Variants in TMEM116 observed in about 807,000 individuals in gnomAD.
TMEM116 encodes transmembrane protein 116.
TMEM116 carries 38 observed loss-of-function variants against 44.3 expected under a neutral mutation model. That is an observed-to-expected ratio of 0.86 (90% CI 0.66 to 1.12). The LOEUF is 1.12. Among genes scored for constraint, TMEM116 ranks in the 50% most tolerant of loss-of-function variants. The pLI, the probability that TMEM116 is intolerant of heterozygous loss-of-function variation, is 0.00. For synonymous variants in TMEM116, 132 were observed against 144.8 expected (o/e 0.91, Z 0.64); for missense variants, 354 against 401.7 (o/e 0.88, Z 1.01).
At chr12:111,943,455 T>A (rs1593308135) in intron 4 of TMEM116, 86 bp from the exon 5 acceptor site, 1 of 957,024 alleles carries the variant, frequency 1.0e-6, no homozygotes, top group Non-Finnish European at 1.6e-6. Flanking sequence ...TTTTCTATTA[T>A]GAGAATCCTA....
At chr12:111,979,436 T>C (rs1416175539) in intron 4 of TMEM116, among the ~76,000 whole-genome samples, 4 of 152,200 alleles carry the variant, frequency 2.6e-5, no homozygotes, top group East Asian at 1.9e-4. Context: ...ACCTAGAATA[T>C]AGAAACAGAA....
At position 111,936,777 on chromosome 12, in the gene TMEM116, G is replaced by C. The variant is rs771924725; in HGVS notation, c.503C>G (p.Ala168Gly). Residue 168 changes from alanine (A) to glycine (G), a missense_variant, in exon 8 of 11, where the codon GCC (alanine) becomes GGC (glycine). Transcript: ENST00000552374. ...AAGTGTGCTACAGACAGATGTGTTGGCAGAAGGTGGAAGTTCAGCCATGGC... is the reference window on the plus strand; with the variant it reads ...AAGTGTGCTACAGACAGATGTGTTGCCAGAAGGTGGAAGTTCAGCCATGGC... ...PSAMAELPPS[A>G]NTSVCSTLYF... 6.2e-7 allele frequency: 1 copy of C among 1,613,344 alleles called. No individual in the cohort carries two copies. Among genetic ancestry groups the C allele is most frequent in the East Asian group, 2.2e-5 (1 of 44,886 alleles).
At position 111,959,599 on chromosome 12, in the gene TMEM116, C is replaced by A. The variant is rs536736933; in HGVS notation, c.211-16230G>T. ...CCATTGGTGTACTGTATTCAGGAGA[C>A]CCATCTCACGTGCAGAGACACACAT... On this transcript the variant is annotated intron_variant, in intron 4 of 10. Coordinates refer to ENST00000552374, the MANE Select transcript of TMEM116 (RefSeq NM_001193531.2). 4.3e-4 allele frequency among the ~76,000 whole-genome samples: 66 copies of A among 152,188 alleles called. 1 individual carries two copies. Among genetic ancestry groups the A allele is most frequent in the Middle Eastern group, 3.4e-3 (1 of 294 alleles).
intron 4 of TMEM116, among the ~76,000 whole-genome samples, chr12:111,990,686 C>A (rs934218800): frequency 6.6e-6 from 1 of 152,086 alleles, no homozygotes; most frequent in Non-Finnish European, 1.5e-5. Context: ...TTTCACACTG[C>A]GTGTCTCAGA....
chr12:111,981,647 C>A (rs904478676), intron 4 of TMEM116, among the ~76,000 whole-genome samples: 2 of 152,020 alleles, frequency 1.3e-5, no homozygotes, highest in Non-Finnish European at 2.9e-5. Context: ...GGGCAAGGGA[C>A]AACAGAAAGG....
intron 4 of TMEM116, among the ~76,000 whole-genome samples, chr12:111,990,360 G>T (rs2076488971): frequency 6.6e-6 from 1 of 152,018 alleles, no homozygotes; most frequent in Admixed American, 6.6e-5. Context: ...GAAAGATTAG[G>T]TACTGGCGAA....
In TMEM116 at chr12:111,943,383, A is replaced by G. The variant is rs770219893; in HGVS notation, c.211-14T>C. The stretch of plus-strand genomic sequence containing the variant: ...AATGTAGAATATCTAGGTTAAAATC[A>G]AAACAACCCATCATAACTATCTCAC... On this transcript the variant is annotated splice_polypyrimidine_tract_variant and intron_variant, in intron 4 of 10. Transcript: ENST00000552374. 7 of 1,569,012 alleles carry G rather than the reference A, an allele frequency of 4.5e-6. No individual in the cohort carries two copies. Among genetic ancestry groups the G allele is most frequent in the Non-Finnish European group, 5.3e-6 (6 of 1,139,384 alleles).
chr12:111,975,991 G>A (rs955447486), intron 4 of TMEM116, among the ~76,000 whole-genome samples: 2 of 152,016 alleles, frequency 1.3e-5, no homozygotes, highest in African/African-American at 4.8e-5. Context: ...AAGTTTTTTT[G>A]TTTTGTTTTG....
intron 8 of TMEM116, 63 bp from the exon 9 acceptor site, chr12:111,934,093 C>G: frequency 6.5e-7 from 1 of 1,537,000 alleles, no homozygotes; most frequent in Non-Finnish European, 8.9e-7. Flanking sequence ...CAGGTCTATC[C>G]TCCTATCATT....
chr12:111,989,163 T>C (rs1460461987), intron 4 of TMEM116, among the ~76,000 whole-genome samples: 1 of 152,086 alleles, frequency 6.6e-6, no homozygotes, highest in Admixed American at 6.6e-5. Flanking sequence ...GAAGTCAAAC[T>C]TGGAGAAGTA....
At chr12:111,961,232 T>C (rs964190754) in intron 4 of TMEM116, among the ~76,000 whole-genome samples, 1 of 152,140 alleles carries the variant, frequency 6.6e-6, no homozygotes, top group Non-Finnish European at 1.5e-5. Flanking sequence ...CACAGACAAA[T>C]TCTACCAGAG....
Position 111,978,848 on chromosome 12 carries a change from C to T in TMEM116, c.210+12910G>A, listed in dbSNP as rs1182563366. 3.8e-5 allele frequency: 15 copies of T among 397,356 alleles called. 1 individual carries two copies. In the Admixed American group the frequency reaches 4.1e-4, roughly 11 times the overall value. The allele number at this position is 397,356 out of a possible 1,614,324, so 24.6% of individuals were successfully genotyped here. A position where few individuals can be genotyped will look rare whatever the true frequency, so the allele number is the denominator to read the frequency against. ...ATTGTATGGTAATTTGTTATAGCTGCCTGAACTAAGACACCATGCAGACAC... is the reference window on the plus strand; with the variant it reads ...ATTGTATGGTAATTTGTTATAGCTGTCTGAACTAAGACACCATGCAGACAC... On this transcript the variant is annotated intron_variant, in intron 4 of 10. Transcript: ENST00000552374.
chr12:111,944,315 A>C (rs2073081295), intron 4 of TMEM116, among the ~76,000 whole-genome samples: 1 of 151,980 alleles, frequency 6.6e-6, no homozygotes, highest in Non-Finnish European at 1.5e-5. Flanking sequence ...TCCCTGAAAA[A>C]AGAAAAGCAA....
At chr12:111,961,813 T>C (rs536519431) in intron 4 of TMEM116, among the ~76,000 whole-genome samples, 1 of 152,330 alleles carries the variant, frequency 6.6e-6, no homozygotes, top group East Asian at 1.9e-4. Flanking sequence ...TTGGAAGTTC[T>C]GGTCAGGGCA....
intron 4 of TMEM116, among the ~76,000 whole-genome samples, chr12:111,977,744 C>G (rs188007317): frequency 5.3e-5 from 8 of 151,812 alleles, no homozygotes; most frequent in Non-Finnish European, 1.0e-4. Flanking sequence ...AAATAAACAA[C>G]AGCAATATTA....
Position 112,008,411 on chromosome 12 carries a change from C to T in TMEM116, c.-33-3108G>A, listed in dbSNP as rs191910371. On this transcript the variant is annotated intron_variant, in intron 1 of 10. Transcript: ENST00000552374. The stretch of plus-strand genomic sequence containing the variant: ...CAGAGAATTGCTTGAACCCGGGAGG[C>T]GGAAGTTGTAGTGAGCCAAGATCAT... Among the ~76,000 whole-genome samples the T allele has an allele frequency of 1.4e-3, 219 of 151,196 alleles. 1 individual carries two copies. Among genetic ancestry groups the T allele is most frequent in the African/African-American group, 4.9e-3 (202 of 41,182 alleles).
intron 4 of TMEM116, among the ~76,000 whole-genome samples, chr12:111,946,395 T>G (rs1160628702): frequency 3.3e-5 from 5 of 152,352 alleles, no homozygotes; most frequent in South Asian, 4.1e-4. Flanking sequence ...TTCTATAGAT[T>G]ATAGATTAAC....
chr12:111,932,724 A>C (rs778325204), intron 9 of TMEM116, 65 bp from the exon 10 acceptor site: 9 of 1,265,044 alleles, frequency 7.1e-6, no homozygotes, highest in African/African-American at 1.5e-5. Context: ...AGGTTCCTCC[A>C]CACACGTCTG....
chr12:111,951,921 T>G (rs993077112), intron 4 of TMEM116, among the ~76,000 whole-genome samples: 1 of 152,092 alleles, frequency 6.6e-6, no homozygotes, highest in African/African-American at 2.4e-5. Context: ...GTTTTCAAAC[T>G]GACTTAGTGG....
Sources: gnomAD v4.1 joint callset for allele counts (sites outside exome capture counted in the v4.1 genomes callset) on GRCh38, gnomAD v4.1.1 for gene constraint, MANE v1.5 for transcripts, NCBI Gene and HGNC (gene_info 2026-07-23, HGNC 2026-07-21) for gene names.